Variants in RALYL observed in about 807,000 individuals in gnomAD.
RALYL encodes the protein RALY RNA binding protein like.
A neutral mutation model predicts 35.1 loss-of-function variants in RALYL; 29 were observed. The ratio of observed to expected loss-of-function variants is 0.83; its 90% CI spans 0.61 to 1.13. The LOEUF (loss-of-function observed/expected upper bound fraction) is 1.13. Among genes scored for constraint, RALYL ranks in the 50% most tolerant of loss-of-function variants. The pLI is 0.00. For synonymous variants in RALYL, 120 were observed against 127.6 expected (o/e 0.94, Z 0.40); for missense variants, 359 against 360.4 (o/e 1.00, Z 0.03).
intron 2 of RALYL, among the ~76,000 whole-genome samples, chr8:84,664,524 C>A (rs774873149): frequency 9.2e-5 from 14 of 151,762 alleles, no homozygotes; most frequent in Non-Finnish European, 1.9e-4. Flanking sequence ...TTGTGGTTCT[C>A]CTTGTAGAGA....
intron 3 of RALYL, among the ~76,000 whole-genome samples, chr8:84,794,822 G>T (rs1490505121): frequency 6.6e-6 from 1 of 152,128 alleles, no homozygotes; most frequent in Non-Finnish European, 1.5e-5. Flanking sequence ...CTCCATTCCT[G>T]TTGCTACAGT....
chr8:84,343,210 T>C (rs930280392), intron 1 of RALYL, among the ~76,000 whole-genome samples: 4 of 152,134 alleles, frequency 2.6e-5, no homozygotes, highest in African/African-American at 9.7e-5. Flanking sequence ...GTTTATACTA[T>C]TAATGAGTTA....
At chr8:84,297,469 A>T (rs1839977415) in intron 1 of RALYL, among the ~76,000 whole-genome samples, 1 of 152,064 alleles carries the variant, frequency 6.6e-6, no homozygotes, top group South Asian at 2.1e-4. Flanking sequence ...ATGGGCATTA[A>T]GGTTGATTCT....
intron 1 of RALYL, among the ~76,000 whole-genome samples, chr8:84,400,573 T>C (rs1221567954): frequency 6.6e-6 from 1 of 152,154 alleles, no homozygotes; most frequent in Non-Finnish European, 1.5e-5. Flanking sequence ...AGAGTGATGG[T>C]GGCTAAGGAA....
chr8:84,329,960 A>G (rs941921690), intron 1 of RALYL, among the ~76,000 whole-genome samples: 3 of 152,072 alleles, frequency 2.0e-5, no homozygotes, highest in Non-Finnish European at 2.9e-5. Flanking sequence ...ACTACCTTAT[A>G]GTTAAAACAT....
At chr8:84,443,798 G>A (rs1402333349) in intron 1 of RALYL, among the ~76,000 whole-genome samples, 2 of 152,018 alleles carry the variant, frequency 1.3e-5, no homozygotes, top group Non-Finnish European at 2.9e-5. Flanking sequence ...TCTGACGTAG[G>A]CATGGATATA....
At chr8:84,768,805 G>A (rs976557120) in intron 2 of RALYL, among the ~76,000 whole-genome samples, 2 of 152,114 alleles carry the variant, frequency 1.3e-5, no homozygotes, top group South Asian at 4.1e-4. Context: ...ATTTGAACAC[G>A]TTTCATTGTA....
intron 2 of RALYL, among the ~76,000 whole-genome samples, chr8:84,612,638 T>G (rs898818818): frequency 6.6e-6 from 1 of 151,752 alleles, no homozygotes; most frequent in Non-Finnish European, 1.5e-5. Context: ...ATGTGAGATA[T>G]GTAACTTTCT....
chr8:84,541,763 G>A (rs1564114175), intron 2 of RALYL, among the ~76,000 whole-genome samples: 1 of 151,948 alleles, frequency 6.6e-6, no homozygotes, highest in African/African-American at 2.4e-5. Flanking sequence ...TGGAATTGGT[G>A]TATCTTCCTA....
chr8:84,777,955 C>T (rs561107176), intron 3 of RALYL, among the ~76,000 whole-genome samples: 1 of 152,162 alleles, frequency 6.6e-6, no homozygotes, highest in South Asian at 2.1e-4. Context: ...AGTCTGTTTT[C>T]TTATCTGTAA....
intron 1 of RALYL, among the ~76,000 whole-genome samples, chr8:84,413,393 C>T (rs544013852): frequency 1.9e-4 from 28 of 151,252 alleles, no homozygotes; most frequent in Non-Finnish European, 3.4e-4. Flanking sequence ...TCCAGCTATA[C>T]ATTGTATGTT....
intron 1 of RALYL, among the ~76,000 whole-genome samples, chr8:84,434,613 A>C (rs2047502265): frequency 2.0e-5 from 3 of 152,154 alleles, no homozygotes. Flanking sequence ...TTTAAAAGCA[A>C]ACTTAAAGAA....
intron 4 of RALYL, among the ~76,000 whole-genome samples, chr8:84,805,495 C>T (rs1314290929): frequency 6.6e-6 from 1 of 152,106 alleles, no homozygotes; most frequent in Admixed American, 6.5e-5. Flanking sequence ...ACCGGCCTGG[C>T]CAACATGGTG....
rs1846722143 is a variant in RALYL, at chr8:84,733,915, G to T, written c.257-40664G>T. 2.6e-5 allele frequency among the ~76,000 whole-genome samples: 4 copies of T among 152,286 alleles called. No individual in the cohort carries two copies. The South Asian group carries it at 8.3e-4, about 32-fold the overall frequency. ...CCAATTTCTGAATTGTATGTTCAAA[G>T]AAGACTAACAAGAAAATAGTAAAAA... is the stretch of plus-strand genomic sequence containing the variant. On this transcript the variant is annotated intron_variant, in intron 2 of 8. Transcript: ENST00000521268.
chr8:84,196,320 A>G (rs548212965), intron 1 of RALYL, among the ~76,000 whole-genome samples: 5 of 152,318 alleles, frequency 3.3e-5, no homozygotes, highest in African/African-American at 1.2e-4. Context: ...AAGGAGGTCA[A>G]CAATAGCCAT....
At chr8:84,633,256 TAGCTAGATGAGATTAC>T (rs1824309937) in intron 2 of RALYL, among the ~76,000 whole-genome samples, 1 of 151,800 alleles carries the variant, frequency 6.6e-6, no homozygotes, top group South Asian at 2.1e-4. Flanking sequence ...ATAGAGTTTA[TAGCTAGATGAGATTAC>T]AGGCTGATAA....
intron 2 of RALYL, among the ~76,000 whole-genome samples, chr8:84,552,085 C>T (rs1287221041): frequency 6.8e-6 from 1 of 148,094 alleles, no homozygotes; most frequent in African/African-American, 2.5e-5. Context: ...TAAAGTGGAT[C>T]GAGTAACTCT....
At chr8:84,477,671 A>T (rs528352025) in intron 1 of RALYL, among the ~76,000 whole-genome samples, 161 of 150,642 alleles carry the variant, frequency 1.1e-3, no homozygotes, top group Non-Finnish European at 4.6e-4. Context: ...CAATGGCAGA[A>T]ATAATGAGTA....
chr8:84,417,460 T>C (rs73304401), intron 1 of RALYL, among the ~76,000 whole-genome samples: 4,469 of 152,110 alleles, frequency 0.029, 219 homozygotes, highest in African/African-American at 0.1. Context: ...TACTTTTCTA[T>C]TGGGTTGCAA....
Sources: gnomAD v4.1 joint callset for allele counts (sites outside exome capture counted in the v4.1 genomes callset) on GRCh38, gnomAD v4.1.1 for gene constraint, MANE v1.5 for transcripts, NCBI Gene and HGNC (gene_info 2026-07-23, HGNC 2026-07-21) for gene names.